SLC24A2: variants seen among roughly 807,000 people sequenced by gnomAD.
The protein encoded by SLC24A2 is sodium/potassium/calcium exchanger 2.
A neutral mutation model predicts 62.0 loss-of-function variants in SLC24A2; 36 were observed. That is an observed-to-expected ratio of 0.58 (90% CI 0.44 to 0.77). The LOEUF (loss-of-function observed/expected upper bound fraction) is 0.77, where lower values mean the gene tolerates loss of function less well. Ranked by LOEUF, SLC24A2 falls within the 30% of genes least tolerant of loss-of-function variation. The pLI is 0.00. For missense variants in SLC24A2, 846 were observed against 817.9 expected (o/e 1.03, Z -0.42); for synonymous variants, 358 against 294.0 (o/e 1.22, Z -2.23).
chr9:19,508,325 T>A lies in SLC24A2; in HGVS notation c.*7828A>T, dbSNP rs951511215. ...CAAAACAGCCTCTAACAGAGGAATA[T>A]CACTGGCCCTTGGTTCAGATACCCT... On this transcript the variant is annotated 3_prime_UTR_variant, in exon 11 of 11. Transcript: ENST00000341998. 6.6e-6 allele frequency: 1 copy of A among 152,200 alleles called. No homozygotes were observed. Among genetic ancestry groups the A allele is most frequent in the African/African-American group, 2.4e-5 (1 of 41,448 alleles). 9.4% of individuals were successfully genotyped at this position (152,200 alleles called of 1,614,324 possible).
At chr9:19,856,840 C>G in the SLC24A2 span, among the ~76,000 whole-genome samples, 29 of 152,338 alleles carry the variant, frequency 1.9e-4, no homozygotes, top group African/African-American at 6.7e-4. Flanking sequence ...CTGCACTGCA[C>G]TGGGGAGAAA....
the SLC24A2 span, among the ~76,000 whole-genome samples, chr9:20,072,687 G>T: frequency 0.17 from 25,541 of 151,662 alleles, 3,617 homozygotes; most frequent in East Asian, 0.65. Flanking sequence ...GATGCAGGAG[G>T]AGTCAGAGTC....
At chr9:20,121,519 T>C in the SLC24A2 span, among the ~76,000 whole-genome samples, 1 of 152,144 alleles carries the variant, frequency 6.6e-6, no homozygotes, top group African/African-American at 2.4e-5. Flanking sequence ...CCAACAAAAT[T>C]TGGCTAAGCA....
chr9:19,900,691 A>G, the SLC24A2 span, among the ~76,000 whole-genome samples: 3 of 152,236 alleles, frequency 2.0e-5, no homozygotes, highest in African/African-American at 7.2e-5. Context: ...CACCTAAGAA[A>G]TGCAAGCAAT....
chr9:19,666,866 A>G (rs904508905), intron 2 of SLC24A2, among the ~76,000 whole-genome samples: 2 of 152,180 alleles, frequency 1.3e-5, no homozygotes, highest in Non-Finnish European at 2.9e-5. Flanking sequence ...AAGACATTTT[A>G]TCTTTTCTAA....
chr9:20,012,851 A>G, the SLC24A2 span, among the ~76,000 whole-genome samples: 1 of 152,178 alleles, frequency 6.6e-6, no homozygotes, highest in African/African-American at 2.4e-5. Context: ...CCAAAGTGGT[A>G]AAAGACTTGT....
At chr9:20,259,190 A>C in the SLC24A2 span, among the ~76,000 whole-genome samples, 1 of 152,192 alleles carries the variant, frequency 6.6e-6, no homozygotes, top group Non-Finnish European at 1.5e-5. Context: ...TCCAGGAAAA[A>C]TTGACGCCCT....
chr9:20,289,947 A>T, the SLC24A2 span, among the ~76,000 whole-genome samples: 1 of 152,290 alleles, frequency 6.6e-6, no homozygotes, highest in East Asian at 1.9e-4. Context: ...ACACACAGCC[A>T]CACACACATT....
chr9:20,008,339 G>C, the SLC24A2 span, among the ~76,000 whole-genome samples: 2 of 152,132 alleles, frequency 1.3e-5, no homozygotes, highest in Non-Finnish European at 2.9e-5. Context: ...CTACAGAGGT[G>C]TCTTTGGACT....
chr9:19,605,868 C>T (rs1836969339), intron 4 of SLC24A2, among the ~76,000 whole-genome samples: 1 of 152,212 alleles, frequency 6.6e-6, no homozygotes, highest in African/African-American at 2.4e-5. Flanking sequence ...AAGTAACTTG[C>T]CCAGGGGCAC....
chr9:19,546,411 T>C (rs1834572914), intron 8 of SLC24A2, among the ~76,000 whole-genome samples: 1 of 152,126 alleles, frequency 6.6e-6, no homozygotes, highest in African/African-American at 2.4e-5. Context: ...ATAGAAGCAG[T>C]CTGGCCACAG....
At chr9:20,177,435 A>G in the SLC24A2 span, among the ~76,000 whole-genome samples, 1 of 152,124 alleles carries the variant, frequency 6.6e-6, no homozygotes, top group Non-Finnish European at 1.5e-5. Flanking sequence ...GCAGAAAAAT[A>G]CCTACTCTAC....
intron 2 of SLC24A2, among the ~76,000 whole-genome samples, chr9:19,686,395 T>C (rs1171756538): frequency 6.6e-6 from 1 of 152,122 alleles, no homozygotes; most frequent in African/African-American, 2.4e-5. Flanking sequence ...GACCCAGCAA[T>C]TCCAATACTG....
At chr9:19,544,936 G>A (rs1834473644) in intron 8 of SLC24A2, among the ~76,000 whole-genome samples, 1 of 152,078 alleles carries the variant, frequency 6.6e-6, no homozygotes, top group Non-Finnish European at 1.5e-5. Flanking sequence ...GTATCTTTGT[G>A]GTGTTCTCTG....
chr9:20,296,040 G>A, the SLC24A2 span, among the ~76,000 whole-genome samples: 1 of 152,314 alleles, frequency 6.6e-6, no homozygotes, highest in South Asian at 2.1e-4. Flanking sequence ...TGTGAAAGTT[G>A]TTCCCTCTAA....
chr9:19,845,419 A>G, the SLC24A2 span, among the ~76,000 whole-genome samples: 1 of 152,188 alleles, frequency 6.6e-6, no homozygotes, highest in Admixed American at 6.5e-5. Flanking sequence ...CTTTCGGCAG[A>G]GTCTTTAGGG....
At chr9:19,913,703 C>T in the SLC24A2 span, among the ~76,000 whole-genome samples, 1 of 152,058 alleles carries the variant, frequency 6.6e-6, no homozygotes, top group South Asian at 2.1e-4. Flanking sequence ...ATTTGAAAAC[C>T]TACTTTATGC....
chr9:19,967,507 C>A, the SLC24A2 span: 1 of 152,248 alleles, frequency 6.6e-6, no homozygotes, highest in Non-Finnish European at 1.5e-5. Context: ...GAAGCTTATT[C>A]ATTAGCATTC....
At chr9:20,149,513 T>A in the SLC24A2 span, among the ~76,000 whole-genome samples, 2 of 15,576 alleles carry the variant, frequency 1.3e-4, no homozygotes, top group East Asian at 2.5e-3. Flanking sequence ...GATAAATATT[T>A]AACTCTGTAT....
Sources: allele counts gnomAD v4.1 joint callset (sites outside exome capture counted in the v4.1 genomes callset), GRCh38; gene constraint gnomAD v4.1.1; transcripts MANE v1.5; gene names NCBI Gene and HGNC (gene_info 2026-07-23, HGNC 2026-07-21).